Variants in DSCAM observed in about 807,000 individuals in gnomAD.
DSCAM encodes cell adhesion molecule DSCAM.
DSCAM carries 47 observed loss-of-function variants against 217.7 expected under a neutral mutation model. The observed-to-expected ratio is 0.22, with a 90% CI of 0.17 to 0.28. The LOEUF is 0.28. Ranked by LOEUF, DSCAM falls within the 10% of genes least tolerant of loss-of-function variation. DSCAM has a pLI of 1.00. For synonymous variants in DSCAM, 1,056 were observed against 1,015.3 expected (o/e 1.04, Z -0.76); for missense variants, 2,080 against 2,618.3 (o/e 0.79, Z 4.49).
At chr21:40,831,296 G>A (rs1163807226) in intron 1 of DSCAM, among the ~76,000 whole-genome samples, 2 of 111,034 alleles carry the variant, frequency 1.8e-5, no homozygotes, top group African/African-American at 6.6e-5. Flanking sequence ...ACCATAGCGT[G>A]GCACAGGTAT....
chr21:40,438,604 G>T (rs1199105029), intron 3 of DSCAM, among the ~76,000 whole-genome samples: 3 of 152,182 alleles, frequency 2.0e-5, no homozygotes, highest in African/African-American at 7.2e-5. Flanking sequence ...ACCTATCATT[G>T]CTGGTAATAG....
intron 4 of DSCAM, among the ~76,000 whole-genome samples, chr21:40,367,772 G>C (rs2074849487): frequency 6.6e-6 from 1 of 152,036 alleles, no homozygotes; most frequent in Non-Finnish European, 1.5e-5. Flanking sequence ...TTATTCCTTG[G>C]CTACTTTTCG....
chr21:40,690,660 T>A (rs2090528796), intron 3 of DSCAM, among the ~76,000 whole-genome samples: 1 of 152,100 alleles, frequency 6.6e-6, no homozygotes, highest in African/African-American at 2.4e-5. Flanking sequence ...CATCATCCCC[T>A]CACTAGATAC....
chr21:40,334,965 T>C (rs958076399), intron 8 of DSCAM, among the ~76,000 whole-genome samples: 1 of 152,118 alleles, frequency 6.6e-6, no homozygotes, highest in African/African-American at 2.4e-5. Flanking sequence ...CTGCTCCTTC[T>C]GACTCAGGGC....
chr21:40,409,438 T>G (rs1163762118), intron 3 of DSCAM, among the ~76,000 whole-genome samples: 4 of 152,238 alleles, frequency 2.6e-5, no homozygotes, highest in African/African-American at 9.6e-5. Flanking sequence ...AGCCTGATGG[T>G]CTCTTCTCTG....
chr21:40,672,238 A>G (rs1486533875), intron 3 of DSCAM, among the ~76,000 whole-genome samples: 1 of 151,886 alleles, frequency 6.6e-6, no homozygotes, highest in African/African-American at 2.4e-5. Flanking sequence ...AGAGAGGGAC[A>G]TAACATCAGT....
intron 3 of DSCAM, among the ~76,000 whole-genome samples, chr21:40,577,010 A>T (rs1203218871): frequency 2.0e-5 from 3 of 150,880 alleles, no homozygotes; most frequent in Non-Finnish European, 4.4e-5. Context: ...TAAAAAAAAA[A>T]ATAAGATGCA....
At position 40,696,371 on chromosome 21, in the gene DSCAM, G is replaced by A. The variant is rs763686595; in HGVS notation, c.362-3415C>T. Among the ~76,000 whole-genome samples the A allele has an allele frequency of 3.3e-5, 5 of 152,342 alleles. No homozygotes were observed. In the South Asian group the frequency reaches 8.3e-4, roughly 25 times the overall value. On this transcript the variant is annotated intron_variant, in intron 2 of 32. Coordinates refer to ENST00000400454, the MANE Select transcript of DSCAM (RefSeq NM_001389.5). Reference sequence around the variant, plus strand: ...CAATCCCCTGAGAGGCAGGGAAAGTGTGAGTAGGGCAGGGAGGGAAGCAGC... The same window carrying A: ...CAATCCCCTGAGAGGCAGGGAAAGTATGAGTAGGGCAGGGAGGGAAGCAGC...
intron 3 of DSCAM, among the ~76,000 whole-genome samples, chr21:40,527,746 A>G (rs565498716): frequency 2.0e-5 from 3 of 152,362 alleles, no homozygotes; most frequent in African/African-American, 7.2e-5. Context: ...ATCCAGTATA[A>G]TTATATTGCA....
chr21:40,714,280 G>C (rs374195310), intron 1 of DSCAM, among the ~76,000 whole-genome samples: 4 of 152,252 alleles, frequency 2.6e-5, no homozygotes, highest in African/African-American at 9.6e-5. Context: ...CTGGCCCTGA[G>C]ATCCCAGAAC....
At chr21:40,279,047 A>T (rs2073725516) in intron 10 of DSCAM, among the ~76,000 whole-genome samples, 1 of 152,228 alleles carries the variant, frequency 6.6e-6, no homozygotes, top group Non-Finnish European at 1.5e-5. Flanking sequence ...ACATATCTAA[A>T]ATATGAATTT....
At chr21:40,685,475 C>T (rs1264524036) in intron 3 of DSCAM, among the ~76,000 whole-genome samples, 1 of 152,178 alleles carries the variant, frequency 6.6e-6, no homozygotes, top group East Asian at 1.9e-4. Context: ...CCAAAGGAAA[C>T]CTTGGCCACT....
chr21:40,134,031 A>G (rs1195111299), intron 18 of DSCAM, 22 bp from the exon 19 acceptor site: 4 of 1,595,126 alleles, frequency 2.5e-6, no homozygotes. Context: ...GAACAAGAAA[A>G]CAAAATCCCA....
chr21:40,322,245 G>A (rs910023203), intron 8 of DSCAM, among the ~76,000 whole-genome samples: 2 of 152,100 alleles, frequency 1.3e-5, no homozygotes, highest in African/African-American at 4.8e-5. Flanking sequence ...TCATTTGTCT[G>A]TGGGTTCTCC....
At chr21:40,045,169 A>G (rs2088823933) in intron 30 of DSCAM, among the ~76,000 whole-genome samples, 1 of 152,216 alleles carries the variant, frequency 6.6e-6, no homozygotes, top group Non-Finnish European at 1.5e-5. Context: ...ACTACGTTAA[A>G]ACAGCTCTAG....
intron 16 of DSCAM, among the ~76,000 whole-genome samples, chr21:40,157,050 TAGC>T (rs2090486083): frequency 6.6e-6 from 1 of 152,202 alleles, no homozygotes; most frequent in African/African-American, 2.4e-5. Flanking sequence ...ATGTGGCTCT[TAGC>T]TAACAACGGT....
intron 20 of DSCAM, among the ~76,000 whole-genome samples, chr21:40,097,623 C>T (rs575496784): frequency 1.8e-4 from 27 of 152,002 alleles, no homozygotes; most frequent in African/African-American, 4.3e-4. Context: ...AAGCAATATC[C>T]GACTATATGC....
intron 3 of DSCAM, among the ~76,000 whole-genome samples, chr21:40,636,195 G>A (rs555983434): frequency 7.9e-5 from 12 of 152,070 alleles, no homozygotes; most frequent in South Asian, 2.1e-4. Flanking sequence ...CCCAGCTGGC[G>A]CGCACAACCA....
intron 3 of DSCAM, among the ~76,000 whole-genome samples, chr21:40,656,556 G>A (rs902604447): frequency 2.4e-4 from 36 of 151,782 alleles, no homozygotes; most frequent in African/African-American, 8.0e-4. Context: ...GCACAAGTCC[G>A]GTATGTTCTC....
Sources: gnomAD v4.1 joint callset for allele counts (sites outside exome capture counted in the v4.1 genomes callset) on GRCh38, gnomAD v4.1.1 for gene constraint, MANE v1.5 for transcripts, NCBI Gene and HGNC (gene_info 2026-07-23, HGNC 2026-07-21) for gene names.